PCDH15: variants seen among roughly 807,000 people sequenced by gnomAD.
PCDH15 encodes the protein protocadherin related 15, also known as protocadherin-15.
Under a neutral mutation model 178.5 loss-of-function variants are expected in PCDH15, and 129 were observed. That is an observed-to-expected ratio of 0.72 (90% CI 0.63 to 0.84). The LOEUF is 0.84. Among genes scored for constraint, PCDH15 ranks in the 40% least tolerant of loss-of-function variants. PCDH15 has a pLI of 0.00. For missense variants in PCDH15, 2,230 were observed against 2,099.9 expected (o/e 1.06, Z -1.21); for synonymous variants, 800 against 732.0 (o/e 1.09, Z -1.50).
chr10:54,181,141 A>T (rs2047945833), intron 13 of PCDH15, among the ~76,000 whole-genome samples: 1 of 152,208 alleles, frequency 6.6e-6, no homozygotes, highest in Admixed American at 6.5e-5. Flanking sequence ...ATTAAATAAG[A>T]ACATGACAAT....
intron 2 of PCDH15, among the ~76,000 whole-genome samples, chr10:55,487,418 C>T (rs1159394606): frequency 1.3e-5 from 2 of 151,642 alleles, no homozygotes; most frequent in Non-Finnish European, 3.0e-5. Context: ...TCTCGCACAT[C>T]CATTTATCAA....
chr10:54,122,592 G>GA (rs144951147), intron 15 of PCDH15, among the ~76,000 whole-genome samples: 23 of 145,116 alleles, frequency 1.6e-4, no homozygotes, highest in East Asian at 1.3e-3. Flanking sequence ...AAAAAAAAAA[G>GA]AAAAAAAAAT....
intron 25 of PCDH15, among the ~76,000 whole-genome samples, chr10:53,936,286 A>T (rs1474152845): frequency 2.0e-5 from 3 of 152,212 alleles, no homozygotes; most frequent in Non-Finnish European, 4.4e-5. Flanking sequence ...GGATATGTTT[A>T]ATATGAACTA....
Position 55,088,369 on chromosome 10 carries a change from A to G in PCDH15, c.-80+78207T>C, listed in dbSNP as rs377540901. ...CTGCAACCTCCGCCTCCCAAGTTTA[A>G]GTGATTCTCCTGCCTCAGCCTCCCC... is the stretch of plus-strand genomic sequence containing the variant. On this transcript the variant is annotated intron_variant, in intron 2 of 5. Transcript: ENST00000458638. 7.9e-5 allele frequency among the ~76,000 whole-genome samples: 12 copies of G among 152,076 alleles called. No individual in the cohort carries two copies. The East Asian group carries it at 1.9e-3, about 25-fold the overall frequency.
intron 5 of PCDH15, among the ~76,000 whole-genome samples, chr10:54,361,894 G>A (rs1031193522): frequency 6.6e-6 from 1 of 152,052 alleles, no homozygotes; most frequent in Admixed American, 6.6e-5. Flanking sequence ...AATATGGTGA[G>A]CAAGTGCTCA....
At chr10:55,022,374 T>A (rs567241521) in intron 2 of PCDH15, among the ~76,000 whole-genome samples, 7 of 146,144 alleles carry the variant, frequency 4.8e-5, no homozygotes, top group Non-Finnish European at 8.9e-5. Context: ...ATCACTTGAA[T>A]CCGGGAGCCG....
intron 2 of PCDH15, among the ~76,000 whole-genome samples, chr10:55,541,424 A>C (rs1299686534): frequency 1.3e-5 from 2 of 151,952 alleles, no homozygotes; most frequent in Non-Finnish European, 2.9e-5. Flanking sequence ...TTTTCCAAAA[A>C]TTAAGGAAGA....
chr10:54,940,267 C>G (rs1009544792), intron 2 of PCDH15, among the ~76,000 whole-genome samples: 5 of 151,904 alleles, frequency 3.3e-5, no homozygotes, highest in African/African-American at 1.2e-4. Flanking sequence ...GATTGAATTT[C>G]CCTTGTAAAT....
chr10:55,344,472 G>A (rs946233420), intron 2 of PCDH15, among the ~76,000 whole-genome samples: 4 of 152,034 alleles, frequency 2.6e-5, no homozygotes, highest in Non-Finnish European at 4.4e-5. Flanking sequence ...ATGAGAAGGG[G>A]TCAAACACAC....
intron 15 of PCDH15, among the ~76,000 whole-genome samples, chr10:54,117,784 C>T (rs1017093841): frequency 1.3e-5 from 2 of 151,946 alleles, no homozygotes; most frequent in African/African-American, 4.8e-5. Flanking sequence ...GTGAAGCCCT[C>T]GTGGAGAGGA....
At chr10:54,270,779 A>C (rs887539198) in intron 8 of PCDH15, among the ~76,000 whole-genome samples, 1 of 152,198 alleles carries the variant, frequency 6.6e-6, no homozygotes, top group African/African-American at 2.4e-5. Context: ...TTACCTGGTG[A>C]CTACTTACTG....
At chr10:54,912,437 T>C (rs2131835840) in intron 2 of PCDH15, among the ~76,000 whole-genome samples, 1 of 152,212 alleles carries the variant, frequency 6.6e-6, no homozygotes, top group Non-Finnish European at 1.5e-5. Context: ...GGTGGCAACT[T>C]CCCCTGCTCT....
At chr10:54,302,541 C>T (rs116998095) in intron 8 of PCDH15, among the ~76,000 whole-genome samples, 2,563 of 152,268 alleles carry the variant, frequency 0.017, 20 homozygotes, top group Non-Finnish European at 0.026. Flanking sequence ...TATTTGAGGA[C>T]ACCACTAACT....
intron 18 of PCDH15, among the ~76,000 whole-genome samples, chr10:54,056,696 A>C (rs2093896432): frequency 1.3e-5 from 2 of 152,240 alleles, no homozygotes; most frequent in South Asian, 4.1e-4. Context: ...CCATGTCCTC[A>C]CATTTCAAAA....
In PCDH15 at chr10:53,806,676, T is replaced by G. The variant is rs1392031914; in HGVS notation, c.5126A>C (p.Glu1709Ala). Residue 1709 changes from glutamate to alanine, a missense_variant, in exon 38 of 38, where the codon GAG (glutamate) becomes GCG (alanine). Physicochemically the swap from Glu to Ala is moderately radical, Grantham distance 107. Transcript: ENST00000644397. ...ESMIDSKNIK[E>A]ALEFHSDHTQ... Reference sequence around the variant, plus strand: ...GTGGTCACTATGAAATTCCAAAGCCTCCTTGATGTTCTTACTGTCAATCAT... The same window carrying G: ...GTGGTCACTATGAAATTCCAAAGCCGCCTTGATGTTCTTACTGTCAATCAT... 1.8e-5 allele frequency: 29 copies of G among 1,613,774 alleles called. No homozygotes were observed. The highest frequency in any genetic ancestry group is 2.5e-5 in the Non-Finnish European group (29 of 1,179,824).
chr10:54,297,565 C>G, intron 8 of PCDH15, among the ~76,000 whole-genome samples: 1 of 152,160 alleles, frequency 6.6e-6, no homozygotes, highest in East Asian at 1.9e-4. Context: ...CCCTATAGCT[C>G]CCCTTCCTGT....
intron 3 of PCDH15, among the ~76,000 whole-genome samples, chr10:54,462,512 C>T (rs12241586): frequency 0.028 from 1,909 of 67,040 alleles, 44 homozygotes; most frequent in East Asian, 0.064. Context: ...TTTTTCTTTT[C>T]TTTTTTTTTT....
chr10:55,347,471 T>C (rs1044867644), intron 2 of PCDH15, among the ~76,000 whole-genome samples: 1 of 152,172 alleles, frequency 6.6e-6, no homozygotes, highest in South Asian at 2.1e-4. Flanking sequence ...TAAGCAACCA[T>C]AAATTATACA....
chr10:54,440,022 T>C (rs1464360638), intron 3 of PCDH15, among the ~76,000 whole-genome samples: 1 of 151,900 alleles, frequency 6.6e-6, no homozygotes, highest in African/African-American at 2.4e-5. Context: ...TTCTGAAAAA[T>C]GAAATGAAAT....
Sources: allele counts gnomAD v4.1 joint callset (sites outside exome capture counted in the v4.1 genomes callset), GRCh38; gene constraint gnomAD v4.1.1; transcripts MANE v1.5; gene names NCBI Gene and HGNC (gene_info 2026-07-23, HGNC 2026-07-21).